Variants in SLC44A5 observed in about 807,000 individuals in gnomAD.
SLC44A5 encodes the protein solute carrier family 44 member 5.
In SLC44A5, 57 loss-of-function variants were observed where a neutral mutation model predicts 101.8. The observed-to-expected ratio is 0.56, with a 90% confidence interval of 0.45 to 0.70. SLC44A5 has a LOEUF of 0.70. Ranked by LOEUF, SLC44A5 falls within the 30% of genes least tolerant of loss-of-function variation. SLC44A5 has a pLI of 0.00. For synonymous variants in SLC44A5, 281 were observed against 290.9 expected, an observed-to-expected ratio of 0.97 and a Z score of 0.35; for missense variants, 737 against 853.1, an observed-to-expected ratio of 0.86 and a Z score of 1.70.
chr1:75,484,415 T>C (rs1406506876), intron 2 of SLC44A5, among the ~76,000 whole-genome samples: 1 of 152,148 alleles, frequency 6.6e-6, no homozygotes, highest in East Asian at 1.9e-4. Context: ...TCTAAAATGA[T>C]CTTCTTTGAC....
At chr1:75,656,237 C>T in the SLC44A5 span, among the ~76,000 whole-genome samples, 13 of 152,184 alleles carry the variant, frequency 8.5e-5, no homozygotes, top group Non-Finnish European at 1.8e-4. Flanking sequence ...ACCACCAGAC[C>T]TGTCTTACAA....
chr1:75,205,864 T>C (rs374389925), intron 23 of SLC44A5: 18 of 152,324 alleles, frequency 1.2e-4, no homozygotes, highest in African/African-American at 4.1e-4. Context: ...GCATGAGTTA[T>C]GTAACAATTT....
At chr1:75,577,828 C>A (rs1169795669) in intron 1 of SLC44A5, among the ~76,000 whole-genome samples, 1 of 152,096 alleles carries the variant, frequency 6.6e-6, no homozygotes, top group Admixed American at 6.5e-5. Context: ...TTAATAAGTA[C>A]AAAACACCTA....
intron 2 of SLC44A5, among the ~76,000 whole-genome samples, chr1:75,478,773 A>T (rs184495153): frequency 4.7e-4 from 71 of 152,328 alleles, no homozygotes; most frequent in South Asian, 1.0e-3. Flanking sequence ...TGACCTACAA[A>T]GAGATTTAGA....
At chr1:75,349,275 G>A (rs1212950339) in intron 3 of SLC44A5, among the ~76,000 whole-genome samples, 2 of 152,160 alleles carry the variant, frequency 1.3e-5, no homozygotes, top group Non-Finnish European at 2.9e-5. Context: ...GGATGCAGAG[G>A]TTGCAGTAAG....
rs1259131494 is a variant in SLC44A5, at chr1:75,537,027, A to ATATATATAT, written c.13+4407_13+4408insATATATATA. Among the ~76,000 whole-genome samples the ATATATATAT allele has an allele frequency of 9.9e-3, 336 of 33,902 alleles. 28 individuals carry two copies. The highest frequency in any genetic ancestry group is 0.024 in the Non-Finnish European group (241 of 10,038). 22.2% of individuals were successfully genotyped at this position (33,902 alleles called of 152,430 possible). On this transcript the variant is annotated intron_variant, in intron 2 of 23. Coordinates refer to ENST00000370859, the MANE Select transcript of SLC44A5 (RefSeq NM_001130058.2). ...TCTCAAAAAAAAAAAAAAAAAAAAA[A>ATATATATAT]AAAAAAATATATATCTATGCCAAAT... is the stretch of plus-strand genomic sequence containing the variant.
chr1:75,449,995 A>C (rs1665810459), intron 2 of SLC44A5, among the ~76,000 whole-genome samples: 1 of 152,100 alleles, frequency 6.6e-6, no homozygotes, highest in South Asian at 2.1e-4. Flanking sequence ...GCAAGACTCT[A>C]TCTCAAAAAA....
intron 2 of SLC44A5, among the ~76,000 whole-genome samples, chr1:75,424,292 T>TTTTG (rs575319070): frequency 3.4e-4 from 51 of 152,098 alleles, no homozygotes; most frequent in African/African-American, 8.9e-4. Context: ...TCTAAGGTAG[T>TTTTG]TTTGTTTGTT....
chr1:75,318,691 T>G (rs987823344), intron 4 of SLC44A5, among the ~76,000 whole-genome samples: 1 of 152,154 alleles, frequency 6.6e-6, no homozygotes, highest in African/African-American at 2.4e-5. Context: ...TCCTCTGGCT[T>G]TCAATGTGGA....
rs1030715867 is a variant in SLC44A5, at chr1:75,383,580, T to C, written c.52+13003A>G. ...GTGAAAAGACCAAATCTACGTCTGA[T>C]TGGTGTACCTGAAAGTGACGGGGAG... On this transcript the variant is annotated intron_variant, in intron 3 of 23. Coordinates refer to ENST00000370859, the MANE Select transcript of SLC44A5 (RefSeq NM_001130058.2). Among the ~76,000 whole-genome samples the C allele has an allele frequency of 1.6e-3, 241 of 152,234 alleles. 3 individuals carry two copies. The highest frequency in any genetic ancestry group is 2.1e-4 in the South Asian group (1 of 4,808).
chr1:75,616,927 G>A, the SLC44A5 span, among the ~76,000 whole-genome samples: 2 of 152,166 alleles, frequency 1.3e-5, no homozygotes, highest in Non-Finnish European at 2.9e-5. Flanking sequence ...TGGTTACAGT[G>A]GCCACGTTCT....
the SLC44A5 span, among the ~76,000 whole-genome samples, chr1:75,683,782 A>T: frequency 0.044 from 6,673 of 151,530 alleles, 201 homozygotes; most frequent in African/African-American, 0.092. Context: ...AAATAAATAA[A>T]TAAGACTTGG....
At position 75,409,424 on chromosome 1, in the gene SLC44A5, T is replaced by A. The variant is rs191468003; in HGVS notation, c.14-12803A>T. Among the ~76,000 whole-genome samples, 1,191 of 152,144 alleles carry A rather than the reference T, an allele frequency of 7.8e-3. 19 individuals are homozygous for A. Among genetic ancestry groups the A allele is most frequent in the African/African-American group, 0.027 (1,106 of 41,520 alleles). On this transcript the variant is annotated intron_variant, in intron 2 of 23. Coordinates refer to ENST00000370859, the MANE Select transcript of SLC44A5 (RefSeq NM_001130058.2). ...TGTACTCCTTGAATCTAATTTTTTTTAAAAAAGAAAGGTGATTGATTCAGA... is the reference window on the plus strand; with the variant it reads ...TGTACTCCTTGAATCTAATTTTTTTAAAAAAAGAAAGGTGATTGATTCAGA...
rs748675481 is a variant in SLC44A5 at position 75,218,665 on chromosome 1, A to G, written c.1354T>C (p.Tyr452His). Residue 452 changes from tyrosine (Y) to histidine (H), a missense_variant, in exon 17 of 24, where the codon TAC (tyrosine) becomes CAC (histidine). Tyr to His is a moderately conservative substitution (Grantham distance 83, BLOSUM62 2). Coordinates refer to ENST00000370859, the MANE Select transcript of SLC44A5 (RefSeq NM_001130058.2). The part of the protein sequence containing the change: ...FYGGKSLYHQ[Y>H]IPTFHVYNLF... ...TTGTATACATGGAAGGTAGGGATGT[A>G]CTGATGGTACAAGCTCTTTCCACCA... 2 of 1,613,722 alleles carry G rather than the reference A, an allele frequency of 1.2e-6. No homozygotes were observed. The highest frequency in any genetic ancestry group is 1.7e-6 in the Non-Finnish European group (2 of 1,179,764).
At chr1:75,466,777 T>C (rs1666846197) in intron 2 of SLC44A5, among the ~76,000 whole-genome samples, 1 of 151,988 alleles carries the variant, frequency 6.6e-6, no homozygotes, top group Non-Finnish European at 1.5e-5. Flanking sequence ...CTCTAAGATC[T>C]GGAACATGCC....
intron 2 of SLC44A5, among the ~76,000 whole-genome samples, chr1:75,413,372 C>G (rs1332243220): frequency 6.6e-6 from 1 of 152,152 alleles, no homozygotes; most frequent in Non-Finnish European, 1.5e-5. Flanking sequence ...TCTTCTTCCT[C>G]TCTTACAAGT....
intron 1 of SLC44A5, among the ~76,000 whole-genome samples, chr1:75,590,331 T>C (rs1674277006): frequency 6.6e-6 from 1 of 152,110 alleles, no homozygotes; most frequent in East Asian, 1.9e-4. Flanking sequence ...GGTAATCTGC[T>C]GCCTTAATGG....
At chr1:75,541,824 C>T (rs571581074) in intron 1 of SLC44A5, among the ~76,000 whole-genome samples, 19 of 152,238 alleles carry the variant, frequency 1.2e-4, no homozygotes, top group Admixed American at 5.9e-4. Context: ...GCACCCCTAA[C>T]CAGTTGATAT....
At chr1:75,332,990 G>T (rs989241295) in intron 4 of SLC44A5, among the ~76,000 whole-genome samples, 1 of 151,908 alleles carries the variant, frequency 6.6e-6, no homozygotes, top group Non-Finnish European at 1.5e-5. Context: ...TAATTGTATA[G>T]GAGACTTAAA....
Sources: gnomAD v4.1 joint callset for allele counts (sites outside exome capture counted in the v4.1 genomes callset) on GRCh38, gnomAD v4.1.1 for gene constraint, MANE v1.5 for transcripts, NCBI Gene and HGNC (gene_info 2026-07-23, HGNC 2026-07-21) for gene names.